The following CTNND2 variants were observed in gnomAD, a reference collection of about 807,000 sequenced individuals.
The protein encoded by CTNND2 is catenin delta 2.
A neutral mutation model predicts 144.4 loss-of-function variants in CTNND2; 22 were observed. The observed-to-expected ratio is 0.15, with a 90% CI of 0.11 to 0.22. The LOEUF is 0.22. Ranked by LOEUF, CTNND2 falls within the 10% of genes least tolerant of loss-of-function variation. CTNND2 has a pLI of 1.00. For synonymous variants in CTNND2, 751 were observed against 695.6 expected (o/e 1.08, Z -1.25); for missense variants, 1,353 against 1,618.8 (o/e 0.84, Z 2.82).
intron 2 of CTNND2, among the ~76,000 whole-genome samples, chr5:11,725,798 T>C (rs1786984924): frequency 1.3e-5 from 2 of 152,254 alleles, no homozygotes; most frequent in Non-Finnish European, 2.9e-5. Context: ...TTGTCTGTTC[T>C]TTTTAAAAAA....
chr5:11,272,082 A>T (rs1035482208), intron 9 of CTNND2, among the ~76,000 whole-genome samples: 2 of 152,200 alleles, frequency 1.3e-5, no homozygotes, highest in African/African-American at 4.8e-5. Flanking sequence ...GTTTCTAAAA[A>T]AATACAGTCC....
intron 11 of CTNND2, among the ~76,000 whole-genome samples, chr5:11,195,281 A>G (rs536052749): frequency 5.9e-5 from 9 of 152,360 alleles, no homozygotes; most frequent in African/African-American, 2.2e-4. Context: ...AGAATTGTGT[A>G]TCTAGTAAAC....
intron 9 of CTNND2, among the ~76,000 whole-genome samples, chr5:11,324,589 A>G (rs1411292895): frequency 2.0e-5 from 3 of 152,204 alleles, no homozygotes; most frequent in Non-Finnish European, 4.4e-5. Flanking sequence ...TTGTCTAATA[A>G]TAACGATGAA....
intron 3 of CTNND2, among the ~76,000 whole-genome samples, chr5:11,511,821 C>T (rs1018111447): frequency 2.0e-5 from 3 of 152,150 alleles, no homozygotes; most frequent in African/African-American, 7.2e-5. Context: ...TCATATACCA[C>T]CTATGCACTA....
chr5:11,248,054 A>G (rs1465771341), intron 9 of CTNND2, among the ~76,000 whole-genome samples: 1 of 152,202 alleles, frequency 6.6e-6, no homozygotes, highest in Non-Finnish European at 1.5e-5. Context: ...GTAAAGCATG[A>G]TGACTTTATA....
At chr5:11,716,895 G>T (rs145979637) in intron 2 of CTNND2, among the ~76,000 whole-genome samples, 7 of 151,754 alleles carry the variant, frequency 4.6e-5, no homozygotes, top group Non-Finnish European at 1.0e-4. Flanking sequence ...TTGAGATGGA[G>T]TCTCACTTTG....
At chr5:11,119,259 T>G (rs1428846093) in intron 12 of CTNND2, among the ~76,000 whole-genome samples, 1 of 152,222 alleles carries the variant, frequency 6.6e-6, no homozygotes, top group East Asian at 1.9e-4. Context: ...CATGAAGAGT[T>G]TTTTGATACC....
chr5:10,989,315 C>T (rs1394129852), intron 19 of CTNND2, among the ~76,000 whole-genome samples: 1 of 152,158 alleles, frequency 6.6e-6, no homozygotes, highest in Non-Finnish European at 1.5e-5. Flanking sequence ...GGAAGCTCTC[C>T]CCAGCTCCCA....
intron 16 of CTNND2, among the ~76,000 whole-genome samples, chr5:11,061,518 T>C (rs551811139): frequency 6.6e-6 from 1 of 152,300 alleles, no homozygotes; most frequent in African/African-American, 2.4e-5. Context: ...ACCTCTCTCC[T>C]GCACCAGGGG....
At chr5:11,272,453 A>G (rs1580764012) in intron 9 of CTNND2, among the ~76,000 whole-genome samples, 1 of 152,292 alleles carries the variant, frequency 6.6e-6, no homozygotes, top group East Asian at 1.9e-4. Flanking sequence ...AAGACCCACA[A>G]TAAAAACCTT....
chr5:11,444,750 G>A (rs1764656604), intron 3 of CTNND2, among the ~76,000 whole-genome samples: 2 of 152,134 alleles, frequency 1.3e-5, no homozygotes, highest in Admixed American at 1.3e-4. Context: ...TGTATTTGAA[G>A]CATAGTAAAG....
chr5:11,327,491 T>A (rs2058965426), intron 9 of CTNND2, among the ~76,000 whole-genome samples: 1 of 152,122 alleles, frequency 6.6e-6, no homozygotes, highest in African/African-American at 2.4e-5. Context: ...AAAAAGTGAG[T>A]GTAAATTTTG....
At chr5:11,423,437 T>G (rs1581163553) in intron 3 of CTNND2, among the ~76,000 whole-genome samples, 2 of 152,214 alleles carry the variant, frequency 1.3e-5, no homozygotes, top group East Asian at 3.8e-4. Flanking sequence ...GGCATGTATA[T>G]CAAGGTTCCC....
intron 9 of CTNND2, among the ~76,000 whole-genome samples, chr5:11,312,930 C>T (rs1013453164): frequency 6.6e-6 from 1 of 152,218 alleles, no homozygotes; most frequent in Admixed American, 6.5e-5. Flanking sequence ...ATTCAAACTG[C>T]ACTTCCTCCG....
chr5:11,433,054 C>A (rs914878740), intron 3 of CTNND2, among the ~76,000 whole-genome samples: 2 of 152,168 alleles, frequency 1.3e-5, no homozygotes, highest in Non-Finnish European at 2.9e-5. Flanking sequence ...ACCATCCTGG[C>A]TAACATGGTG....
In CTNND2 at chr5:11,199,504, G is replaced by A. The variant is rs756184771; in HGVS notation, c.1919C>T (p.Ala640Val). 6.2e-6 allele frequency: 10 copies of A among 1,614,078 alleles called. No homozygotes were observed. The highest frequency in any genetic ancestry group is 7.6e-6 in the Non-Finnish European group (9 of 1,180,036). ...IALKNCGGIP[A>V]LVRLLRKTTD... Reference sequence around the variant, plus strand: ...CGTCTTGCGGAGTAACCTCACCAGTGCTGGGATGCCACCACAGTTTTTCAG... The same window carrying A: ...CGTCTTGCGGAGTAACCTCACCAGTACTGGGATGCCACCACAGTTTTTCAG... Residue 640 changes from alanine to valine, a missense_variant, in exon 11 of 22, where the codon GCA (alanine) becomes GTA (valine). By Grantham distance (64) the Ala-to-Val change is moderately conservative. Around this residue, in one of 4 missense-constraint regions of CTNND2, gnomAD observed 117 missense variants for 117.8 expected, o/e 0.99. Coordinates refer to ENST00000304623, the MANE Select transcript of CTNND2 (RefSeq NM_001332.4).
chr5:11,228,508 CAG>C (rs1411413916), intron 10 of CTNND2, among the ~76,000 whole-genome samples: 1 of 142,860 alleles, frequency 7.0e-6, no homozygotes, highest in African/African-American at 2.6e-5. Flanking sequence ...TTTTTTGAGA[CAG>C]AGTCTTACTC....
chr5:11,461,576 G>A (rs1023554277), intron 3 of CTNND2, among the ~76,000 whole-genome samples: 4 of 152,148 alleles, frequency 2.6e-5, no homozygotes, highest in African/African-American at 9.7e-5. Flanking sequence ...TGCTGTGGAT[G>A]TGTCACCTCT....
At chr5:11,427,045 T>A (rs949655475) in intron 3 of CTNND2, among the ~76,000 whole-genome samples, 2 of 152,216 alleles carry the variant, frequency 1.3e-5, no homozygotes, top group Non-Finnish European at 2.9e-5. Flanking sequence ...TCAGTGATTC[T>A]GCAAACAAGT....
Sources: allele counts gnomAD v4.1 joint callset (sites outside exome capture counted in the v4.1 genomes callset), GRCh38; gene constraint gnomAD v4.1.1; regional missense constraint gnomAD v4.1.1; transcripts MANE v1.5; gene names NCBI Gene and HGNC (gene_info 2026-07-23, HGNC 2026-07-21).